AXDND1: variants seen among roughly 807,000 people sequenced by gnomAD.
AXDND1 encodes axonemal dynein light chain domain-containing protein 1.
Under a neutral mutation model 137.5 loss-of-function variants are expected in AXDND1, and 110 were observed. The observed-to-expected ratio is 0.80, with a 90% confidence interval of 0.69 to 0.94. The LOEUF is 0.94. Ranked by LOEUF, AXDND1 falls within the 40% of genes least tolerant of loss-of-function variation. The pLI is 0.00. For synonymous variants in AXDND1, 414 were observed against 399.7 expected, an observed-to-expected ratio of 1.04 and a Z score of -0.43; for missense variants, 1,191 against 1,169.8, an observed-to-expected ratio of 1.02 and a Z score of -0.26.
intron 12 of AXDND1, among the ~76,000 whole-genome samples, chr1:179,414,368 C>A (rs571092723): frequency 6.6e-6 from 1 of 152,048 alleles, no homozygotes; most frequent in South Asian, 2.1e-4. Flanking sequence ...TGGTTGAGAA[C>A]AATAATCAAT....
intron 11 of AXDND1, among the ~76,000 whole-genome samples, chr1:179,408,881 T>G (rs181784109): frequency 6.6e-6 from 1 of 152,074 alleles, no homozygotes; most frequent in African/African-American, 2.4e-5. Context: ...AATGTGGTCT[T>G]ACTATGTTGC....
intron 15 of AXDND1, among the ~76,000 whole-genome samples, chr1:179,433,051 T>C (rs1286263024): frequency 6.6e-6 from 1 of 152,164 alleles, no homozygotes; most frequent in Non-Finnish European, 1.5e-5. Flanking sequence ...AAATCAGGAA[T>C]TTGTTATTGG....
In AXDND1 at chr1:179,522,696, C is replaced by A. The variant is rs187948812; in HGVS notation, c.2497-2638C>A. Reference sequence around the variant, plus strand: ...TTTATAGATGCAAAAAGCAGTCTAGCAGAATATTCAGCAAATGATAAAAAT... The same window carrying A: ...TTTATAGATGCAAAAAGCAGTCTAGAAGAATATTCAGCAAATGATAAAAAT... On this transcript the variant is annotated intron_variant, in intron 21 of 25. Coordinates refer to ENST00000367618, the MANE Select transcript of AXDND1 (RefSeq NM_144696.6). 7.2e-4 allele frequency among the ~76,000 whole-genome samples: 109 copies of A among 151,650 alleles called. 1 individual carries two copies. The highest frequency in any genetic ancestry group is 2.7e-3 in the South Asian group (13 of 4,780).
chr1:179,522,869 CAT>C (rs1670194641), intron 21 of AXDND1, among the ~76,000 whole-genome samples: 1 of 108,398 alleles, frequency 9.2e-6, no homozygotes, highest in Admixed American at 1.1e-4. Context: ...ATACTGTACA[CAT>C]ATTTCTATAG....
intron 4 of AXDND1, among the ~76,000 whole-genome samples, chr1:179,370,772 A>G (rs1667960422): frequency 6.6e-6 from 1 of 152,214 alleles, no homozygotes; most frequent in Admixed American, 6.5e-5. Context: ...ATACTTGAGT[A>G]GGTTATTTAG....
chr1:179,383,630 T>TTAGTAA, intron 8 of AXDND1, 86 bp downstream of exon 8: 1 of 947,036 alleles, frequency 1.1e-6, no homozygotes, highest in Non-Finnish European at 1.7e-6. Flanking sequence ...GACCCTGCCA[T>TTAGTAA]ATATTTACTA....
At chr1:179,368,693 T>C in intron 2 of AXDND1, 107 bp from the exon 3 acceptor site, 2 of 852,714 alleles carry the variant, frequency 2.3e-6, no homozygotes, top group Non-Finnish European at 3.6e-6. Flanking sequence ...ATAGAAGCAA[T>C]GTTTCTCTCT....
At chr1:179,504,256 G>A (rs1331411608) in intron 20 of AXDND1, among the ~76,000 whole-genome samples, 1 of 152,124 alleles carries the variant, frequency 6.6e-6, no homozygotes, top group Non-Finnish European at 1.5e-5. Context: ...GCAGTCTCTT[G>A]GAACCCACAC....
chr1:179,541,715 A>ATAAT (rs147402880), intron 25 of AXDND1, among the ~76,000 whole-genome samples: 29,735 of 151,586 alleles, frequency 0.2, 3,103 homozygotes, highest in Non-Finnish European at 0.23. Flanking sequence ...TATATGCATG[A>ATAAT]TAATATATGC....
chr1:179,511,466 T>C lies in AXDND1; in HGVS notation c.2496+2063T>C, dbSNP rs193205576. On this transcript the variant is annotated intron_variant, in intron 21 of 25. Coordinates refer to ENST00000367618, the MANE Select transcript of AXDND1 (RefSeq NM_144696.6). ...AGATTTTTATCCACTTGTTGATTGATGGGCATTTGGGTTGGTTCCATGATT... is the reference window on the plus strand; with the variant it reads ...AGATTTTTATCCACTTGTTGATTGACGGGCATTTGGGTTGGTTCCATGATT... 5.4e-3 allele frequency among the ~76,000 whole-genome samples: 814 copies of C among 151,784 alleles called. 2 individuals carry two copies. The highest frequency in any genetic ancestry group is 8.3e-3 in the Non-Finnish European group (561 of 67,914).
At chr1:179,428,899 C>CTT (rs1481196612) in intron 12 of AXDND1, among the ~76,000 whole-genome samples, 2 of 152,130 alleles carry the variant, frequency 1.3e-5, no homozygotes, top group East Asian at 3.8e-4. Flanking sequence ...TTACTTTCTG[C>CTT]CGGGCGTGGT....
chr1:179,474,232 A>T (rs78067193), intron 17 of AXDND1, among the ~76,000 whole-genome samples: 2 of 150,500 alleles, frequency 1.3e-5, no homozygotes, highest in Non-Finnish European at 3.0e-5. Context: ...AAAAAAAAAA[A>T]CTTACCTAGT....
intron 4 of AXDND1, among the ~76,000 whole-genome samples, chr1:179,375,264 A>G (rs1479114854): frequency 6.6e-6 from 1 of 151,624 alleles, no homozygotes; most frequent in Admixed American, 6.6e-5. Flanking sequence ...ACATCTGGCT[A>G]GTTTTTTAAC....
intron 17 of AXDND1, among the ~76,000 whole-genome samples, chr1:179,476,959 A>G (rs902989105): frequency 6.6e-6 from 1 of 151,814 alleles, no homozygotes; most frequent in East Asian, 1.9e-4. Flanking sequence ...TCTTTTCTCT[A>G]CTTCCAATAC....
intron 16 of AXDND1, chr1:179,448,107 A>G (rs1175800340): frequency 1.2e-6 from 1 of 834,642 alleles, no homozygotes; most frequent in African/African-American, 2.1e-5. Context: ...ATTCCTCATT[A>G]ATTATTTTTC....
rs190703664 is a variant in AXDND1 at position 179,503,543 on chromosome 1, T to A, written c.2389-5753T>A. ...TTTTTTCAGACTTTTTTTTAATTTT[T>A]ATTTTTATTTTAATTTTATTGTTAT... On this transcript the variant is annotated intron_variant, in intron 20 of 25. Coordinates refer to ENST00000367618, the MANE Select transcript of AXDND1 (RefSeq NM_144696.6). 2.6e-3 allele frequency among the ~76,000 whole-genome samples: 388 copies of A among 151,980 alleles called. 4 individuals are homozygous for A. The highest frequency in any genetic ancestry group is 0.025 in the South Asian group (119 of 4,830).
At chr1:179,444,506 A>G (rs1205309173) in intron 15 of AXDND1, among the ~76,000 whole-genome samples, 3 of 152,138 alleles carry the variant, frequency 2.0e-5, no homozygotes, top group Non-Finnish European at 4.4e-5. Context: ...TTCCACAAAT[A>G]TTTATTGATA....
chr1:179,546,608 T>C (rs1672671259), intron 25 of AXDND1, among the ~76,000 whole-genome samples: 1 of 152,170 alleles, frequency 6.6e-6, no homozygotes. Flanking sequence ...CTGTCCATTT[T>C]TCTAGAAAGC....
At chr1:179,533,505 C>T (rs1419219590) in intron 23 of AXDND1, among the ~76,000 whole-genome samples, 1 of 151,782 alleles carries the variant, frequency 6.6e-6, no homozygotes. Context: ...TTTTTTATTT[C>T]TCTGTTTCTT....
Sources: allele counts gnomAD v4.1 joint callset (sites outside exome capture counted in the v4.1 genomes callset), GRCh38; gene constraint gnomAD v4.1.1; transcripts MANE v1.5; gene names NCBI Gene and HGNC (gene_info 2026-07-23, HGNC 2026-07-21).